Variants in NTRK3 observed in about 807,000 individuals in gnomAD.
NTRK3 encodes NT-3 growth factor receptor.
In NTRK3, 24 loss-of-function variants were observed where a neutral mutation model predicts 91.7. That is an observed-to-expected ratio of 0.26 (90% CI 0.19 to 0.37). The LOEUF (loss-of-function observed/expected upper bound fraction) is 0.37. Among genes scored for constraint, NTRK3 ranks in the 10% least tolerant of loss-of-function variants. NTRK3 has a pLI of 1.00. For synonymous variants in NTRK3, 483 were observed against 404.0 expected, an observed-to-expected ratio of 1.20 and a Z score of -2.34; for missense variants, 880 against 1,068.9, an observed-to-expected ratio of 0.82 and a Z score of 2.46.
intron 14 of NTRK3, among the ~76,000 whole-genome samples, chr15:87,954,778 C>T (rs1402384425): frequency 6.6e-6 from 1 of 152,226 alleles, no homozygotes; most frequent in African/African-American, 2.4e-5. Context: ...GCTGTCTACA[C>T]TGTTTTCATC....
intron 17 of NTRK3, among the ~76,000 whole-genome samples, chr15:87,902,754 A>G (rs1468752892): frequency 1.3e-5 from 2 of 151,950 alleles, no homozygotes; most frequent in Non-Finnish European, 2.9e-5. Context: ...AGAAAATTCG[A>G]CTCTCAAGTT....
At chr15:87,979,347 A>G (rs1427496829) in intron 14 of NTRK3, 1 of 1,609,086 alleles carries the variant, frequency 6.2e-7, no homozygotes, top group Non-Finnish European at 8.5e-7. Context: ...AGGAGTTTTT[A>G]AAAGCCATGA....
chr15:88,058,570 C>G (rs1323977354), intron 13 of NTRK3, among the ~76,000 whole-genome samples: 1 of 152,094 alleles, frequency 6.6e-6, no homozygotes, highest in African/African-American at 2.4e-5. Flanking sequence ...TCCCAAAATT[C>G]TGGCCCAAAG....
rs537098187 is a variant in NTRK3 at position 87,981,647 on chromosome 15, T to C, written c.1586-40894A>G. Among the ~76,000 whole-genome samples the C allele has an allele frequency of 2.0e-5, 3 of 152,274 alleles. No individual in the cohort carries two copies. In the South Asian group the frequency reaches 6.2e-4, roughly 32 times the overall value. On this transcript the variant is annotated intron_variant, in intron 14 of 18. Transcript: ENST00000394480. ...TCTGTCCTGCACTTTTCCTAACATA[T>C]TTGCCCCCCATTTTCCTTCTTGGAC...
chr15:88,044,899 C>A (rs529420512), intron 13 of NTRK3, among the ~76,000 whole-genome samples: 2 of 152,340 alleles, frequency 1.3e-5, no homozygotes, highest in African/African-American at 4.8e-5. Context: ...CTGAGTTCCA[C>A]AAGCCCTGAA....
rs578166769 is a variant in NTRK3 at position 88,245,900 on chromosome 15, C to T, written c.248+10006G>A. On this transcript the variant is annotated intron_variant, in intron 3 of 18. Transcript: ENST00000394480. ...GGTTGTATATGTAAATGATCTCTGG[C>T]CCAGTAGAAGGGATAATGTCAGCTT... 4.6e-5 allele frequency among the ~76,000 whole-genome samples: 7 copies of T among 152,230 alleles called. No homozygotes were observed. The East Asian group carries it at 7.7e-4, about 17-fold the overall frequency.
At chr15:88,217,685 G>C (rs1039170321) in intron 3 of NTRK3, among the ~76,000 whole-genome samples, 1 of 152,116 alleles carries the variant, frequency 6.6e-6, no homozygotes, top group African/African-American at 2.4e-5. Context: ...ACACAGCAAT[G>C]TGGATGTGCT....
At chr15:88,052,254 C>T (rs1567298449) in intron 13 of NTRK3, among the ~76,000 whole-genome samples, 2 of 152,230 alleles carry the variant, frequency 1.3e-5, no homozygotes, top group Non-Finnish European at 2.9e-5. Context: ...CCATCACCCC[C>T]TATCACGTCC....
At chr15:87,886,644 G>C (rs1055249288) in intron 17 of NTRK3, among the ~76,000 whole-genome samples, 2 of 135,704 alleles carry the variant, frequency 1.5e-5, no homozygotes, top group Non-Finnish European at 3.1e-5. Context: ...TAGTATGTGA[G>C]TAATGACCAA....
intron 14 of NTRK3, among the ~76,000 whole-genome samples, chr15:87,975,535 G>A (rs2073647095): frequency 6.6e-6 from 1 of 152,214 alleles, no homozygotes; most frequent in Non-Finnish European, 1.5e-5. Flanking sequence ...CTGGTTCCCT[G>A]AGCCACCCTA....
At chr15:88,135,495 A>G (rs958103369) in intron 9 of NTRK3, 98 bp from the exon 10 acceptor site, 41 of 1,364,276 alleles carry the variant, frequency 3.0e-5, no homozygotes, top group African/African-American at 1.4e-4. Flanking sequence ...GTTCTTCCCC[A>G]CCCACTCTGA....
chr15:88,007,050 G>A (rs2076542304), intron 14 of NTRK3, among the ~76,000 whole-genome samples: 2 of 152,226 alleles, frequency 1.3e-5, no homozygotes, highest in East Asian at 1.9e-4. Flanking sequence ...GCAAGGTTTA[G>A]TACAAAAATG....
At chr15:88,064,426 A>G (rs777442741) in intron 13 of NTRK3, among the ~76,000 whole-genome samples, 25 of 152,148 alleles carry the variant, frequency 1.6e-4, no homozygotes, top group Non-Finnish European at 1.5e-5. Flanking sequence ...CTTCACATCG[A>G]CAACCTCCAC....
At chr15:88,084,285 G>A (rs1190749848) in intron 13 of NTRK3, among the ~76,000 whole-genome samples, 1 of 152,098 alleles carries the variant, frequency 6.6e-6, no homozygotes, top group Non-Finnish European at 1.5e-5. Flanking sequence ...GGGAGACACA[G>A]ATGCTAAAAG....
chr15:88,055,634 C>T (rs531192991), intron 13 of NTRK3, among the ~76,000 whole-genome samples: 1 of 152,100 alleles, frequency 6.6e-6, no homozygotes, highest in Non-Finnish European at 1.5e-5. Context: ...GACAAGCCGC[C>T]CTTTCAATCG....
intron 13 of NTRK3, among the ~76,000 whole-genome samples, chr15:88,124,467 C>A (rs557240413): frequency 6.6e-6 from 1 of 152,186 alleles, no homozygotes; most frequent in Non-Finnish European, 1.5e-5. Flanking sequence ...CCAAGCATGT[C>A]GCAGGGTCTC....
intron 8 of NTRK3, 139 bp downstream of exon 8, chr15:88,136,328 G>C: frequency 8.5e-7 from 1 of 1,171,360 alleles, no homozygotes; most frequent in Non-Finnish European, 1.2e-6. Context: ...GAAATGGCTA[G>C]AAAATATTGC....
intron 7 of NTRK3, 46 bp downstream of exon 7, chr15:88,137,358 G>T (rs776731775): frequency 6.2e-7 from 1 of 1,607,686 alleles, no homozygotes; most frequent in Non-Finnish European, 8.5e-7. Context: ...TGGTGTCTGA[G>T]GGATGCCTCC....
chr15:88,250,915 G>A (rs763081549), intron 3 of NTRK3, among the ~76,000 whole-genome samples: 45 of 152,214 alleles, frequency 3.0e-4, no homozygotes, highest in Non-Finnish European at 5.9e-4. Context: ...TGCAATAGAA[G>A]TTCCAGTGTT....
Sources: allele counts gnomAD v4.1 joint callset (sites outside exome capture counted in the v4.1 genomes callset), GRCh38; gene constraint gnomAD v4.1.1; transcripts MANE v1.5; gene names NCBI Gene and HGNC (gene_info 2026-07-23, HGNC 2026-07-21).